Variants in NTRK2 observed in about 807,000 individuals in gnomAD.
The protein encoded by NTRK2 is BDNF/NT-3 growth factors receptor.
A neutral mutation model predicts 94.5 loss-of-function variants in NTRK2; 13 were observed. The observed-to-expected ratio is 0.14, with a 90% CI of 0.09 to 0.22. NTRK2 has a LOEUF of 0.22. Among genes scored for constraint, NTRK2 ranks in the 10% least tolerant of loss-of-function variants. NTRK2 has a pLI of 1.00. For missense variants in NTRK2, 639 were observed against 1,071.2 expected, an observed-to-expected ratio of 0.60 and a Z score of 5.63; for synonymous variants, 372 against 407.4, an observed-to-expected ratio of 0.91 and a Z score of 1.05.
chr9:84,848,575 T>C (rs2074589425), intron 12 of NTRK2, among the ~76,000 whole-genome samples: 1 of 152,216 alleles, frequency 6.6e-6, no homozygotes, highest in Admixed American at 6.5e-5. Context: ...GAGACCTTTA[T>C]GGAACTCATC....
Position 84,811,297 on chromosome 9 carries a change from A to AAAACC in NTRK2, c.1397-49741_1397-49740insACCAA, listed in dbSNP as rs996604367. On this transcript the variant is annotated intron_variant, in intron 12 of 18. Coordinates refer to ENST00000277120, the MANE Select transcript of NTRK2 (RefSeq NM_006180.6). ...CCAGCAAAACAAAACAAAACAAAAC[A>AAAACC]AACAAATGAAAAACGTTTAAAAAGA... The AAAACC allele has an allele frequency of 4.7e-6, 5 of 1,066,102 alleles. No homozygotes were observed. In the African/African-American group the frequency reaches 8.2e-5, roughly 17 times the overall value. The allele number at this position is 1,066,102 out of a possible 1,614,324, so 66.0% of individuals were successfully genotyped here.
At chr9:84,724,843 C>T (rs2062332557) in intron 8 of NTRK2, among the ~76,000 whole-genome samples, 1 of 152,058 alleles carries the variant, frequency 6.6e-6, no homozygotes, top group Admixed American at 6.6e-5. Context: ...AGGATTAGTC[C>T]TACTTAAATT....
Position 84,952,157 on chromosome 9 carries a change from C to T in NTRK2, c.1938-3126C>T, listed in dbSNP as rs1303958008. 5.9e-5 allele frequency among the ~76,000 whole-genome samples: 9 copies of T among 152,218 alleles called. No homozygotes were observed. The South Asian group carries it at 1.2e-3, about 21-fold the overall frequency. ...TAAACCATCCTTGCCGTCATTCCTACGTTACAGTTGGGGAAACTGAATCAC... is the reference window on the plus strand; with the variant it reads ...TAAACCATCCTTGCCGTCATTCCTATGTTACAGTTGGGGAAACTGAATCAC... On this transcript the variant is annotated intron_variant, in intron 16 of 18. Coordinates refer to ENST00000277120, the MANE Select transcript of NTRK2 (RefSeq NM_006180.6).
chr9:84,877,660 C>T, intron 14 of NTRK2: 2 of 1,064,182 alleles, frequency 1.9e-6, no homozygotes, highest in Non-Finnish European at 2.3e-6. Flanking sequence ...TGTTGCCTAA[C>T]TTTATTTCCC....
intron 14 of NTRK2, among the ~76,000 whole-genome samples, chr9:84,917,575 C>A (rs2077432327): frequency 6.6e-6 from 1 of 152,104 alleles, no homozygotes; most frequent in Non-Finnish European, 1.5e-5. Flanking sequence ...AGTGTTCTTG[C>A]CTAGGGAGTA....
At chr9:84,850,252 G>A (rs565619444) in intron 12 of NTRK2, among the ~76,000 whole-genome samples, 1 of 152,042 alleles carries the variant, frequency 6.6e-6, no homozygotes, top group Admixed American at 6.5e-5. Context: ...CAAACGCAAA[G>A]ACACCAAATC....
chr9:84,679,694 G>C (rs1003880038), intron 2 of NTRK2, among the ~76,000 whole-genome samples: 1 of 152,158 alleles, frequency 6.6e-6, no homozygotes, highest in Non-Finnish European at 1.5e-5. Flanking sequence ...ATGAGCACTA[G>C]TGTTTCCTTT....
chr9:84,874,309 A>G, intron 14 of NTRK2: 1 of 1,065,356 alleles, frequency 9.4e-7, no homozygotes, highest in African/African-American at 1.6e-5. Flanking sequence ...GCACCACCGG[A>G]GTTTTTCTTG....
At chr9:84,794,399 G>A (rs58425616) in intron 12 of NTRK2, among the ~76,000 whole-genome samples, 13,217 of 152,120 alleles carry the variant, frequency 0.087, 601 homozygotes, top group South Asian at 0.14. Context: ...GAGGAAACAG[G>A]ATTAAAAGGC....
At chr9:84,679,661 C>T (rs1034038181) in intron 2 of NTRK2, among the ~76,000 whole-genome samples, 1 of 152,182 alleles carries the variant, frequency 6.6e-6, no homozygotes, top group Admixed American at 6.5e-5. Flanking sequence ...TTGAAAGACT[C>T]TGTGGTTCTG....
intron 12 of NTRK2, among the ~76,000 whole-genome samples, chr9:84,809,882 GAAAAAAA>G (rs35481612): frequency 1.7e-5 from 2 of 118,752 alleles, no homozygotes; most frequent in Admixed American, 9.1e-5. Flanking sequence ...ACTCTGTCTG[GAAAAAAA>G]AAAAAAAAAA....
chr9:85,022,018 G>A lies in NTRK2; in HGVS notation c.*581G>A, dbSNP rs1167715933. ...TTCTTATTGTTTTTGGATGGCTTAA[G>A]CCTGTGTATAAAAAAGAAAACTTGT... On this transcript the variant is annotated 3_prime_UTR_variant, in exon 19 of 19. Transcript: ENST00000277120. 8.5e-6 allele frequency: 2 copies of A among 234,896 alleles called. No individual in the cohort carries two copies. Among genetic ancestry groups the A allele is most frequent in the African/African-American group, 2.2e-5 (1 of 45,316 alleles). 14.6% of individuals were successfully genotyped at this position (234,896 alleles called of 1,614,324 possible). A position where few individuals can be genotyped will look rare whatever the true frequency, so the allele number is the denominator to read the frequency against.
In NTRK2 at chr9:84,853,709, C is replaced by T. The variant is rs532566206; in HGVS notation, c.1397-7331C>T. On this transcript the variant is annotated intron_variant, in intron 12 of 18. Coordinates refer to ENST00000277120, the MANE Select transcript of NTRK2 (RefSeq NM_006180.6). ...TAGCAAATGCTGTTGGCGTCACCCC[C>T]TGCCCGTGTCCTCTCAGCTCTCACC... 9.8e-5 allele frequency among the ~76,000 whole-genome samples: 15 copies of T among 152,292 alleles called. 1 individual carries two copies. In the South Asian group the frequency reaches 3.1e-3, roughly 32 times the overall value.
chr9:84,926,107 T>TTCCTTCCC (rs1400948809), intron 14 of NTRK2, among the ~76,000 whole-genome samples: 69 of 41,598 alleles, frequency 1.7e-3, no homozygotes, highest in Admixed American at 3.8e-3. Context: ...CTTCCTTCCT[T>TTCCTTCCC]TCCTTCCTTC....
At chr9:84,908,825 CA>C (rs1362591713) in intron 14 of NTRK2, among the ~76,000 whole-genome samples, 3 of 152,166 alleles carry the variant, frequency 2.0e-5, no homozygotes, top group African/African-American at 7.2e-5. Context: ...AAAACTTACT[CA>C]ATGGCACAAG....
At chr9:84,858,680 C>G (rs1288617170) in intron 12 of NTRK2, among the ~76,000 whole-genome samples, 3 of 152,132 alleles carry the variant, frequency 2.0e-5, no homozygotes, top group South Asian at 4.1e-4. Flanking sequence ...GGCTCATCCT[C>G]CACCGAGAGC....
intron 12 of NTRK2, among the ~76,000 whole-genome samples, chr9:84,816,085 G>T (rs1020270049): frequency 2.6e-5 from 4 of 151,684 alleles, no homozygotes; most frequent in Non-Finnish European, 2.9e-5. Context: ...AATGACCCAG[G>T]TCACAATAAG....
intron 12 of NTRK2, among the ~76,000 whole-genome samples, chr9:84,764,741 G>A (rs932300402): frequency 2.6e-5 from 4 of 152,076 alleles, no homozygotes. Context: ...ATCAGTATAC[G>A]GAAGAGATAT....
At chr9:84,872,565 A>G (rs1347434705) in intron 14 of NTRK2, 6 of 1,063,228 alleles carry the variant, frequency 5.6e-6, no homozygotes, top group Admixed American at 5.4e-5. Flanking sequence ...GCCTAGGGCT[A>G]GTAACTCCCT....
Sources: allele counts gnomAD v4.1 joint callset (sites outside exome capture counted in the v4.1 genomes callset), GRCh38; gene constraint gnomAD v4.1.1; transcripts MANE v1.5; gene names NCBI Gene and HGNC (gene_info 2026-07-23, HGNC 2026-07-21).